NRP1: variants seen among roughly 807,000 people sequenced by gnomAD.
NRP1 encodes neuropilin 1, also known as neuropilin-1.
In NRP1, 35 loss-of-function variants were observed where a neutral mutation model predicts 106.7. That is an observed-to-expected ratio of 0.33 (90% CI 0.25 to 0.43). The LOEUF is 0.43. Among genes scored for constraint, NRP1 ranks in the 20% least tolerant of loss-of-function variants. The pLI is 1.00. For synonymous variants in NRP1, 437 were observed against 417.9 expected, an observed-to-expected ratio of 1.05 and a Z score of -0.56; for missense variants, 1,024 against 1,170.4, an observed-to-expected ratio of 0.87 and a Z score of 1.83.
At chr10:33,237,847 C>T (rs751504955) in intron 6 of NRP1, among the ~76,000 whole-genome samples, 5 of 151,972 alleles carry the variant, frequency 3.3e-5, no homozygotes, top group Non-Finnish European at 7.4e-5. Flanking sequence ...CCACCAGGCC[C>T]GGCCCGATGA....
intron 9 of NRP1, among the ~76,000 whole-genome samples, chr10:33,210,579 T>C (rs1386101677): frequency 1.3e-5 from 2 of 152,230 alleles, no homozygotes; most frequent in Non-Finnish European, 2.9e-5. Context: ...ATTCTTTGTG[T>C]TCTGTTGCTA....
rs576041982 is a variant in NRP1 at position 33,294,213 on chromosome 10, T to C, written c.249-23357A>G. On this transcript the variant is annotated intron_variant, in intron 2 of 16. Transcript: ENST00000374867. Reference sequence around the variant, plus strand: ...AGTGAGTGTGGGATTTGGGGATGAGTTCTTAGAATGTGAGAATATAGCCAG... The same window carrying C: ...AGTGAGTGTGGGATTTGGGGATGAGCTCTTAGAATGTGAGAATATAGCCAG... Among the ~76,000 whole-genome samples the C allele has an allele frequency of 3.9e-5, 6 of 152,194 alleles. No homozygotes were observed. The South Asian group carries it at 8.3e-4, about 21-fold the overall frequency.
intron 13 of NRP1, among the ~76,000 whole-genome samples, chr10:33,191,002 C>G (rs1836371163): frequency 6.7e-6 from 1 of 148,952 alleles, no homozygotes; most frequent in African/African-American, 2.5e-5. Flanking sequence ...AGTGTGCGCC[C>G]TTATGCCTGG....
In NRP1 at chr10:33,178,225, C is replaced by A. The variant is rs914062049; in HGVS notation, c.*1851G>T. ...TCCCAACAAATGTCTTTGAGTGAGA[C>A]GTCTAGCAATGTGGGAAGGAAGATC... On this transcript the variant is annotated 3_prime_UTR_variant, in exon 17 of 17. Transcript: ENST00000374867. 1 of 152,422 alleles carries A rather than the reference C, an allele frequency of 6.6e-6. No individual in the cohort carries two copies. The highest frequency in any genetic ancestry group is 1.9e-4 in the East Asian group (1 of 5,188). 9.4% of individuals were successfully genotyped at this position (152,422 alleles called of 1,614,324 possible).
intron 2 of NRP1, among the ~76,000 whole-genome samples, chr10:33,320,949 C>G (rs1401462353): frequency 6.6e-6 from 1 of 152,170 alleles, no homozygotes; most frequent in African/African-American, 2.4e-5. Context: ...ACTTGACTGG[C>G]TGCCATCTTT....
At chr10:33,261,800 G>C (rs1842593411) in intron 4 of NRP1, among the ~76,000 whole-genome samples, 2 of 152,120 alleles carry the variant, frequency 1.3e-5, no homozygotes. Flanking sequence ...CAGTGGCCAT[G>C]ATCTCGGCTC....
intron 2 of NRP1, among the ~76,000 whole-genome samples, chr10:33,276,200 C>T (rs916318802): frequency 2.0e-5 from 3 of 152,114 alleles, no homozygotes; most frequent in African/African-American, 7.2e-5. Context: ...TTTTGAAAAG[C>T]ACTAACTACC....
At chr10:33,265,257 C>T (rs1442001504) in intron 3 of NRP1, among the ~76,000 whole-genome samples, 1 of 152,222 alleles carries the variant, frequency 6.6e-6, no homozygotes, top group African/African-American at 2.4e-5. Context: ...ACTTGTGAAT[C>T]AGAGAAGTCT....
At chr10:33,325,915 G>A (rs574767382) in intron 2 of NRP1, among the ~76,000 whole-genome samples, 4 of 152,316 alleles carry the variant, frequency 2.6e-5, no homozygotes, top group South Asian at 2.1e-4. Context: ...ATCAGACACT[G>A]AAGTCGGTAA....
At chr10:33,188,910 A>AATATCTATATATATAT (rs1836206960) in intron 13 of NRP1, among the ~76,000 whole-genome samples, 1 of 111,358 alleles carries the variant, frequency 9.0e-6, no homozygotes, top group Non-Finnish European at 1.7e-5. Context: ...CCCTGTCTTA[A>AATATCTATATATATAT]ATATATATAT....
intron 6 of NRP1, among the ~76,000 whole-genome samples, chr10:33,229,697 C>A (rs957734837): frequency 1.3e-5 from 2 of 151,974 alleles, no homozygotes; most frequent in Non-Finnish European, 2.9e-5. Flanking sequence ...ACAGAAGATT[C>A]CTAGGTATTA....
rs969453617 is a variant in NRP1 at position 33,177,931 on chromosome 10, T to G, written c.*2145A>C. On this transcript the variant is annotated 3_prime_UTR_variant, in exon 17 of 17. Transcript: ENST00000374867. Reference sequence around the variant, plus strand: ...ATAAACATATAATTTTTAAATATATTTATCAGTGCAAGATACTTTAAATTT... The same window carrying G: ...ATAAACATATAATTTTTAAATATATGTATCAGTGCAAGATACTTTAAATTT... The G allele has an allele frequency of 6.6e-6, 1 of 152,614 alleles. No homozygotes were observed. The highest frequency in any genetic ancestry group is 1.5e-5 in the Non-Finnish European group (1 of 68,042). The allele number at this position is 152,614 out of a possible 1,614,324, so 9.5% of individuals were successfully genotyped here.
In NRP1 at chr10:33,277,322, C is replaced by T. The variant is rs185481358; in HGVS notation, c.249-6466G>A. Among the ~76,000 whole-genome samples, 1,492 of 152,268 alleles carry T rather than the reference C, an allele frequency of 9.8e-3. 14 individuals carry two copies. The highest frequency in any genetic ancestry group is 0.015 in the Non-Finnish European group (1,030 of 68,042). On this transcript the variant is annotated intron_variant, in intron 2 of 16. Coordinates refer to ENST00000374867, the MANE Select transcript of NRP1 (RefSeq NM_003873.7). ...CCAGAGCTGTCCTGGTCCTCCTGCT[C>T]GGGGACCTCATGACTACTGGAAACA...
intron 12 of NRP1, chr10:33,194,595 C>A: frequency 2.4e-6 from 1 of 409,346 alleles, no homozygotes. Flanking sequence ...CAATGTCCTT[C>A]CCCATCCTGT....
chr10:33,248,227 T>A (rs1393999438), intron 6 of NRP1, among the ~76,000 whole-genome samples: 1 of 151,966 alleles, frequency 6.6e-6, no homozygotes, highest in African/African-American at 2.4e-5. Flanking sequence ...GAGGTGGAGG[T>A]TGCAGCGAGC....
chr10:33,326,052 A>G (rs1847870690), intron 2 of NRP1, among the ~76,000 whole-genome samples: 1 of 152,194 alleles, frequency 6.6e-6, no homozygotes, highest in Admixed American at 6.5e-5. Context: ...AATGTCTGTG[A>G]AATTTTTATT....
intron 6 of NRP1, among the ~76,000 whole-genome samples, chr10:33,230,830 C>T (rs964739210): frequency 1.3e-4 from 20 of 151,988 alleles, no homozygotes; most frequent in African/African-American, 4.8e-4. Flanking sequence ...ATATTAATGC[C>T]TTTTTTCCTG....
intron 6 of NRP1, among the ~76,000 whole-genome samples, chr10:33,250,432 C>T (rs1841771620): frequency 1.3e-5 from 2 of 152,196 alleles, no homozygotes; most frequent in African/African-American, 4.8e-5. Flanking sequence ...TGAAGCTAAG[C>T]TTTTGTGACT....
At chr10:33,182,944 C>G (rs1189690619) in intron 15 of NRP1, among the ~76,000 whole-genome samples, 196 bp from the exon 16 acceptor site, 1 of 151,830 alleles carries the variant, frequency 6.6e-6, no homozygotes, top group Non-Finnish European at 1.5e-5. Context: ...GTTAAATGAC[C>G]GGGAAATTGG....
Sources: gnomAD v4.1 joint callset for allele counts (sites outside exome capture counted in the v4.1 genomes callset) on GRCh38, gnomAD v4.1.1 for gene constraint, MANE v1.5 for transcripts, NCBI Gene and HGNC (gene_info 2026-07-23, HGNC 2026-07-21) for gene names.